The following ATP2C1 variants were observed in gnomAD, a reference collection of about 807,000 sequenced individuals.
The protein encoded by ATP2C1 is ATPase secretory pathway Ca2+ transporting 1.
Under a neutral mutation model 120.5 loss-of-function variants are expected in ATP2C1, and 31 were observed. That is an observed-to-expected ratio of 0.26 (90% confidence interval 0.19 to 0.35). The LOEUF is 0.35. Among genes scored for constraint, ATP2C1 ranks in the 10% least tolerant of loss-of-function variants. The pLI, the probability that ATP2C1 is intolerant of heterozygous loss-of-function variation, is 1.00. For missense variants in ATP2C1, 731 were observed against 1,107.5 expected, an observed-to-expected ratio of 0.66 and a Z score of 4.83; for synonymous variants, 351 against 358.7, an observed-to-expected ratio of 0.98 and a Z score of 0.24.
intron 25 of ATP2C1, 81 bp downstream of exon 25, chr3:130,997,834 C>G: frequency 6.6e-7 from 1 of 1,508,054 alleles, no homozygotes; most frequent in Non-Finnish European, 9.2e-7. Flanking sequence ...ATGGGTTACC[C>G]AGAAGGCTGG....
intron 1 of ATP2C1, among the ~76,000 whole-genome samples, chr3:130,851,223 A>G (rs2067664839): frequency 6.6e-6 from 1 of 152,200 alleles, no homozygotes; most frequent in African/African-American, 2.4e-5. Flanking sequence ...ATCATTTTCC[A>G]ATGCCTCAGA....
intron 2 of ATP2C1, among the ~76,000 whole-genome samples, chr3:130,924,729 C>T (rs1018101093): frequency 1.3e-5 from 2 of 152,230 alleles, no homozygotes; most frequent in Admixed American, 6.5e-5. Context: ...GGATGTTTAA[C>T]GTAGACCCAG....
At chr3:130,887,723 G>A (rs554921393) in intron 1 of ATP2C1, among the ~76,000 whole-genome samples, 1 of 152,164 alleles carries the variant, frequency 6.6e-6, no homozygotes, top group Non-Finnish European at 1.5e-5. Flanking sequence ...ACCCTTCAGG[G>A]CACTGGGCTT....
intron 2 of ATP2C1, among the ~76,000 whole-genome samples, chr3:130,921,088 T>C (rs950412473): frequency 8.0e-5 from 12 of 149,384 alleles, no homozygotes; most frequent in African/African-American, 2.7e-4. Flanking sequence ...TCTTTTTTTT[T>C]TTTTTTTTTT....
intron 27 of ATP2C1, 116 bp from the exon 28 acceptor site, chr3:131,001,104 G>GGAA: frequency 2.4e-5 from 8 of 340,294 alleles, no homozygotes; most frequent in South Asian, 1.3e-4. Flanking sequence ...CTTCATCTCA[G>GGAA]AAAAAAAAAA....
intron 2 of ATP2C1, among the ~76,000 whole-genome samples, chr3:130,923,414 A>C (rs1352704624): frequency 3.3e-5 from 5 of 151,740 alleles, no homozygotes; most frequent in Non-Finnish European, 7.4e-5. Flanking sequence ...TTTTAGTAGA[A>C]ACGAGTTTTC....
chr3:130,932,187 G>A, intron 4 of ATP2C1, 49 bp downstream of exon 4: 1 of 1,123,230 alleles, frequency 8.9e-7, no homozygotes, highest in Non-Finnish European at 1.4e-6. Context: ...TTAATACATG[G>A]ACTTCTGTTA....
intron 11 of ATP2C1, among the ~76,000 whole-genome samples, chr3:130,958,287 G>C (rs753959367): frequency 1.3e-5 from 2 of 151,842 alleles, no homozygotes; most frequent in Non-Finnish European, 2.9e-5. Context: ...TATGGTCTCT[G>C]TTGGAAATAC....
At chr3:130,974,564 C>G (rs1444629703) in intron 17 of ATP2C1, among the ~76,000 whole-genome samples, 1 of 152,002 alleles carries the variant, frequency 6.6e-6, no homozygotes, top group African/African-American at 2.4e-5. Context: ...TTGTGAACTG[C>G]TATAGTCATT....
At position 130,884,972 on chromosome 3, in the gene ATP2C1, C is replaced by T. The variant is rs527573651; in HGVS notation, c.108+34044C>T. 3.7e-5 allele frequency among the ~76,000 whole-genome samples: 5 copies of T among 135,788 alleles called. No homozygotes were observed. In the East Asian group the frequency reaches 6.4e-4, roughly 17 times the overall value. The allele number at this position is 135,788 out of a possible 152,430, so 89.1% of individuals were successfully genotyped here. ...TTTTAAGACGGAGTCTTGCTCTTGT[C>T]GCCCAGGCTGGAGTACAATGGCGCG... is the stretch of plus-strand genomic sequence containing the variant. On this transcript the variant is annotated intron_variant, in intron 1 of 26. Transcript: ENST00000504381.
At chr3:130,944,769 T>G (rs2060067675) in intron 8 of ATP2C1, among the ~76,000 whole-genome samples, 1 of 152,224 alleles carries the variant, frequency 6.6e-6, no homozygotes, top group Non-Finnish European at 1.5e-5. Context: ...CAGAAGCCAG[T>G]GGTTGAGCCA....
chr3:131,016,002 C>G, intron 26 of ATP2C1: 1 of 1,056,598 alleles, frequency 9.5e-7, no homozygotes. Context: ...GTAACAGTGA[C>G]TCAAAATCAA....
chr3:130,948,516 G>C (rs2060242013), intron 8 of ATP2C1, among the ~76,000 whole-genome samples: 1 of 151,976 alleles, frequency 6.6e-6, no homozygotes, highest in South Asian at 2.1e-4. Flanking sequence ...TTTAATTGTG[G>C]ATATCTTTGA....
exon 27 of ATP2C1, chr3:131,016,308 C>T (rs757820661): frequency 1.1e-5 from 17 of 1,613,700 alleles, no homozygotes; most frequent in Non-Finnish European, 1.4e-5. Context: ...CATACAACAT[C>T]TTAGCACCAT....
In ATP2C1 at chr3:130,894,570, T is replaced by C; in HGVS notation, c.-180-20T>C. 1 of 1,438,856 alleles carries C rather than the reference T, an allele frequency of 6.9e-7. No individual in the cohort carries two copies. The highest frequency in any genetic ancestry group is 9.1e-7 in the Non-Finnish European group (1 of 1,095,050). The allele number at this position is 1,438,856 out of a possible 1,614,324, so 89.1% of individuals were successfully genotyped here. On this transcript the variant is annotated intron_variant, in intron 1 of 27. Coordinates refer to ENST00000510168, the MANE Select transcript of ATP2C1 (RefSeq NM_001378687.1). This position sits in a 1 kb window ranked among gnomAD's most constrained non-coding sequence, Gnocchi z 4.5. ...TCCTCAGCCTCTCGTCAGCGCCGCT[T>C]CTCCTGGTTTCTCTTGCAGATGCTG...
intron 1 of ATP2C1, among the ~76,000 whole-genome samples, chr3:130,888,999 T>C (rs142756678): frequency 2.6e-5 from 4 of 152,360 alleles, no homozygotes; most frequent in African/African-American, 9.6e-5. Context: ...TTAAGAAAGA[T>C]TAATAAAACA....
intron 1 of ATP2C1, among the ~76,000 whole-genome samples, chr3:130,875,776 G>C (rs920473885): frequency 7.2e-5 from 11 of 152,004 alleles, no homozygotes; most frequent in African/African-American, 2.7e-4. Flanking sequence ...ATCCTCACTG[G>C]CATTTGTTAG....
chr3:130,983,092 A>G (rs1225416253), intron 20 of ATP2C1, among the ~76,000 whole-genome samples: 2 of 152,166 alleles, frequency 1.3e-5, no homozygotes, highest in Non-Finnish European at 2.9e-5. Context: ...AATGCATAGC[A>G]TGCATATATA....
chr3:130,993,609 C>T (rs2062457040), intron 21 of ATP2C1, among the ~76,000 whole-genome samples: 1 of 152,166 alleles, frequency 6.6e-6, no homozygotes, highest in Admixed American at 6.5e-5. Flanking sequence ...TCCCCCAAAT[C>T]CTGATAGTCC....
Sources: gnomAD v4.1 joint callset for allele counts (sites outside exome capture counted in the v4.1 genomes callset) on GRCh38, gnomAD v4.1.1 for gene constraint, Gnocchi (gnomAD v3.1) non-coding constraint, MANE v1.5 for transcripts, NCBI Gene and HGNC (gene_info 2026-07-23, HGNC 2026-07-21) for gene names.